MACROD2: variants seen among roughly 807,000 people sequenced by gnomAD.
MACROD2 encodes mono-ADP ribosylhydrolase 2.
A neutral mutation model predicts 70.4 loss-of-function variants in MACROD2; 36 were observed. That is an observed-to-expected ratio of 0.51 (90% CI 0.39 to 0.68). The LOEUF is 0.68. Among genes scored for constraint, MACROD2 ranks in the 30% least tolerant of loss-of-function variants. The pLI is 0.00. For missense variants in MACROD2, 496 were observed against 538.4 expected (o/e 0.92, Z 0.78); for synonymous variants, 172 against 178.8 (o/e 0.96, Z 0.30).
rs147372133 is a variant in MACROD2 at position 14,784,403 on chromosome 20, C to T, written c.418+99444C>T. 5.2e-3 allele frequency among the ~76,000 whole-genome samples: 791 copies of T among 152,180 alleles called. 16 individuals are homozygous for T. The highest frequency in any genetic ancestry group is 0.018 in the African/African-American group (740 of 41,496). On this transcript the variant is annotated intron_variant, in intron 5 of 17. Coordinates refer to ENST00000684519, the MANE Select transcript of MACROD2 (RefSeq NM_001351661.2). The stretch of plus-strand genomic sequence containing the variant: ...CTCCAAGCTCACTTTCTCTAAGATA[C>T]TTCACACATCTTTCTGCTATAGTTG...
At chr20:15,327,257 A>G (rs982974434) in intron 6 of MACROD2, among the ~76,000 whole-genome samples, 1 of 152,160 alleles carries the variant, frequency 6.6e-6, no homozygotes, top group African/African-American at 2.4e-5. Context: ...GTCTTCTGAG[A>G]TAAGAATATT....
At chr20:14,002,224 T>C in intron 1 of MACROD2, 64 bp from the exon 2 acceptor site, 1 of 1,077,370 alleles carries the variant, frequency 9.3e-7, no homozygotes, top group Non-Finnish European at 1.4e-6. Flanking sequence ...ATACTTAAAG[T>C]ATAAAAATAA....
chr20:15,691,999 C>A (rs938051014), intron 8 of MACROD2, among the ~76,000 whole-genome samples: 17 of 152,162 alleles, frequency 1.1e-4, no homozygotes, highest in Non-Finnish European at 8.8e-5. Flanking sequence ...ATTATATGAT[C>A]ATATAGAGAC....
At chr20:15,825,409 C>T (rs1324201745) in intron 8 of MACROD2, among the ~76,000 whole-genome samples, 1 of 152,162 alleles carries the variant, frequency 6.6e-6, no homozygotes, top group African/African-American at 2.4e-5. Flanking sequence ...CCAGCCAATG[C>T]CAGCTGACTT....
intron 5 of MACROD2, among the ~76,000 whole-genome samples, chr20:14,701,982 T>C (rs999155848): frequency 1.3e-5 from 2 of 152,154 alleles, no homozygotes; most frequent in Non-Finnish European, 2.9e-5. Context: ...AGAGCAAGGA[T>C]TCAAACTCAG....
At chr20:15,968,569 C>A (rs1259492513) in intron 13 of MACROD2, among the ~76,000 whole-genome samples, 1 of 151,454 alleles carries the variant, frequency 6.6e-6, no homozygotes, top group Non-Finnish European at 1.5e-5. Flanking sequence ...ATTGTTCTAT[C>A]AAATAATTTT....
In MACROD2 at chr20:15,940,157, G is replaced by A. The variant is rs11905502; in HGVS notation, c.907+2613G>A. Among the ~76,000 whole-genome samples the A allele has an allele frequency of 8.5e-3, 1,299 of 152,114 alleles. 17 individuals carry two copies. Among genetic ancestry groups the A allele is most frequent in the African/African-American group, 0.029 (1,222 of 41,506 alleles). On this transcript the variant is annotated intron_variant, in intron 12 of 17. Coordinates refer to ENST00000684519, the MANE Select transcript of MACROD2 (RefSeq NM_001351661.2). The stretch of plus-strand genomic sequence containing the variant: ...TGCCCAGGCTGGAGTGCAATGGTGC[G>A]ATCTTGGCTCACTGCAACCTCCGCC...
Position 15,581,290 on chromosome 20 carries a change from A to G in MACROD2, c.645+81443A>G, listed in dbSNP as rs542649779. ...CACTGTCTCTGTTGATGTGTTCCCAACTCCATCATCAGTACACAGACGTCC... is the reference window on the plus strand; with the variant it reads ...CACTGTCTCTGTTGATGTGTTCCCAGCTCCATCATCAGTACACAGACGTCC... On this transcript the variant is annotated intron_variant, in intron 8 of 17. Transcript: ENST00000684519. Among the ~76,000 whole-genome samples, 6 of 152,168 alleles carry G rather than the reference A, an allele frequency of 3.9e-5. No individual in the cohort carries two copies. In the South Asian group the frequency reaches 1.2e-3, roughly 32 times the overall value.
intron 9 of MACROD2, among the ~76,000 whole-genome samples, chr20:15,863,369 T>C (rs1032975329): frequency 6.6e-6 from 1 of 152,150 alleles, no homozygotes; most frequent in Non-Finnish European, 1.5e-5. Flanking sequence ...TTTTAGAAAA[T>C]AGGAGAAACC....
intron 6 of MACROD2, among the ~76,000 whole-genome samples, chr20:15,280,362 T>C (rs1479328413): frequency 6.6e-6 from 1 of 152,174 alleles, no homozygotes; most frequent in African/African-American, 2.4e-5. Context: ...GGGGTAATAG[T>C]CACAGACTAA....
chr20:15,621,799 C>A (rs1170771920), intron 8 of MACROD2, among the ~76,000 whole-genome samples: 1 of 152,052 alleles, frequency 6.6e-6, no homozygotes, highest in Non-Finnish European at 1.5e-5. Flanking sequence ...ATTCACATAC[C>A]CCACCAAGCC....
At chr20:14,993,172 G>T (rs1020133590) in intron 5 of MACROD2, among the ~76,000 whole-genome samples, 1 of 151,804 alleles carries the variant, frequency 6.6e-6, no homozygotes, top group Non-Finnish European at 1.5e-5. Context: ...CCAGTGGAAT[G>T]TTTAACTGCC....
chr20:14,800,547 A>G lies in MACROD2; in HGVS notation c.418+115588A>G, dbSNP rs547788774. ...GTATCTGATGAGAGTAGGTTGCCCA[A>G]TGCAATTTAAGAGTCAGTGGAAGGT... On this transcript the variant is annotated intron_variant, in intron 5 of 17. Transcript: ENST00000684519. Among the ~76,000 whole-genome samples, 19 of 152,262 alleles carry G rather than the reference A, an allele frequency of 1.2e-4. No individual in the cohort carries two copies. In the East Asian group the frequency reaches 1.3e-3, roughly 11 times the overall value.
chr20:14,598,412 G>A (rs1453374326), intron 4 of MACROD2, among the ~76,000 whole-genome samples: 2 of 152,020 alleles, frequency 1.3e-5, no homozygotes, highest in African/African-American at 4.8e-5. Context: ...TATTATTTCA[G>A]GAGAGTTGAA....
chr20:14,130,522 C>T (rs1434269356), intron 3 of MACROD2, among the ~76,000 whole-genome samples: 2 of 151,836 alleles, frequency 1.3e-5, no homozygotes, highest in African/African-American at 4.8e-5. Flanking sequence ...CCAGCCTAGG[C>T]AACAGAGTGA....
intron 8 of MACROD2, among the ~76,000 whole-genome samples, chr20:15,706,219 A>C (rs1461778744): frequency 6.6e-6 from 1 of 152,218 alleles, no homozygotes; most frequent in African/African-American, 2.4e-5. Context: ...TAGAACCCAC[A>C]TACAGTCAGA....
chr20:15,224,497 C>T (rs1321325626), intron 5 of MACROD2, among the ~76,000 whole-genome samples: 1 of 152,190 alleles, frequency 6.6e-6, no homozygotes. Flanking sequence ...TGACTTTGGG[C>T]ACATTATTCT....
chr20:15,702,510 TTTG>T (rs974250861), intron 8 of MACROD2, among the ~76,000 whole-genome samples: 3 of 152,112 alleles, frequency 2.0e-5, no homozygotes, highest in African/African-American at 4.8e-5. Context: ...TTTTAAGGGA[TTTG>T]TTGTTGTTGT....
rs1037576544 is a variant in MACROD2 at position 15,476,331 on chromosome 20, C to T, written c.572-23443C>T. 4.6e-5 allele frequency among the ~76,000 whole-genome samples: 7 copies of T among 152,242 alleles called. No individual in the cohort carries two copies. In the South Asian group the frequency reaches 8.3e-4, roughly 18 times the overall value. ...AGGCTTTTGTGACATATCACTCTTT[C>T]GCACACAGAAAAGGAAAATGAAAGT... On this transcript the variant is annotated intron_variant, in intron 7 of 17. Transcript: ENST00000684519.
Sources: allele counts gnomAD v4.1 joint callset (sites outside exome capture counted in the v4.1 genomes callset), GRCh38; gene constraint gnomAD v4.1.1; transcripts MANE v1.5; gene names NCBI Gene and HGNC (gene_info 2026-07-23, HGNC 2026-07-21).